The following KHDRBS2 variants were observed in gnomAD, a reference collection of about 807,000 sequenced individuals.
KHDRBS2 encodes KH domain-containing, RNA-binding, signal transduction-associated protein 2.
Under a neutral mutation model 44.3 loss-of-function variants are expected in KHDRBS2, and 26 were observed. That is an observed-to-expected ratio of 0.59 (90% CI 0.43 to 0.81). The LOEUF is 0.81. KHDRBS2 is among the 40% of genes least tolerant of loss of function. KHDRBS2 has a pLI of 0.00. For synonymous variants in KHDRBS2, 194 were observed against 151.1 expected (o/e 1.28, Z -2.08); for missense variants, 476 against 433.1 (o/e 1.10, Z -0.88).
chr6:61,961,581 A>G (rs1203079821), intron 4 of KHDRBS2, among the ~76,000 whole-genome samples: 1 of 152,082 alleles, frequency 6.6e-6, no homozygotes, highest in African/African-American at 2.4e-5. Flanking sequence ...AAAGAATGAC[A>G]TTTGAACAAA....
intron 6 of KHDRBS2, among the ~76,000 whole-genome samples, chr6:61,762,774 G>A (rs1264897665): frequency 3.9e-5 from 6 of 152,192 alleles, no homozygotes; most frequent in Non-Finnish European, 8.8e-5. Flanking sequence ...CACATTCAAT[G>A]TCAATATCCC....
chr6:61,721,172 G>A (rs1476225035), intron 7 of KHDRBS2, among the ~76,000 whole-genome samples: 1 of 152,058 alleles, frequency 6.6e-6, no homozygotes, highest in Admixed American at 6.6e-5. Flanking sequence ...TGCTGTTTTG[G>A]TTACTGTAGC....
At chr6:61,601,150 G>T in the KHDRBS2 span, among the ~76,000 whole-genome samples, 4 of 152,058 alleles carry the variant, frequency 2.6e-5, no homozygotes, top group East Asian at 1.9e-4. Context: ...GCAGCCCAGG[G>T]CTGCTCACCC....
At chr6:62,283,370 C>T in intron 1 of KHDRBS2, among the ~76,000 whole-genome samples, 1 of 151,874 alleles carries the variant, frequency 6.6e-6, no homozygotes, top group Non-Finnish European at 1.5e-5. Flanking sequence ...GTCAATTGAG[C>T]ACTGATTTGC....
At chr6:62,090,653 G>A (rs1799330469) in intron 2 of KHDRBS2, among the ~76,000 whole-genome samples, 1 of 151,756 alleles carries the variant, frequency 6.6e-6, no homozygotes, top group East Asian at 1.9e-4. Flanking sequence ...AAGTGTTTAT[G>A]TGCCAGAGAG....
intron 4 of KHDRBS2, among the ~76,000 whole-genome samples, chr6:61,918,589 C>T (rs1391580538): frequency 1.3e-5 from 2 of 151,918 alleles, no homozygotes; most frequent in African/African-American, 4.8e-5. Context: ...CTCACCAGAA[C>T]CCAACTATCT....
chr6:62,208,532 C>T (rs1216055859), intron 1 of KHDRBS2, among the ~76,000 whole-genome samples: 2 of 152,116 alleles, frequency 1.3e-5, no homozygotes, highest in African/African-American at 2.4e-5. Context: ...AATAATGCTG[C>T]AATGAACATG....
chr6:62,083,688 G>C (rs73489259), intron 2 of KHDRBS2, among the ~76,000 whole-genome samples: 4,981 of 152,188 alleles, frequency 0.033, 277 homozygotes, highest in African/African-American at 0.11. Context: ...TCCTGTGAGG[G>C]GTTGAGAGCT....
chr6:61,613,790 G>A, the KHDRBS2 span, among the ~76,000 whole-genome samples: 3 of 56,068 alleles, frequency 5.4e-5, no homozygotes, highest in South Asian at 1.5e-3. Flanking sequence ...GAGATGTTTG[G>A]CATTCTACAG....
chr6:62,123,021 A>G (rs1345168661), intron 2 of KHDRBS2, among the ~76,000 whole-genome samples: 1 of 151,824 alleles, frequency 6.6e-6, no homozygotes, highest in East Asian at 1.9e-4. Context: ...ATTTACATTA[A>G]GTGTTTCTCC....
chr6:61,952,010 G>C (rs1215311188), intron 4 of KHDRBS2, among the ~76,000 whole-genome samples: 1 of 151,976 alleles, frequency 6.6e-6, no homozygotes, highest in East Asian at 1.9e-4. Context: ...ATACTAAAAA[G>C]TTTGCACTGG....
chr6:62,085,094 C>T (rs895403440), intron 2 of KHDRBS2, among the ~76,000 whole-genome samples: 1 of 152,030 alleles, frequency 6.6e-6, no homozygotes, highest in African/African-American at 2.4e-5. Flanking sequence ...TATTAGAATT[C>T]TAAAGGAGTG....
intron 3 of KHDRBS2, among the ~76,000 whole-genome samples, chr6:62,046,126 T>TG (rs1329614599): frequency 6.6e-6 from 1 of 151,776 alleles, no homozygotes; most frequent in Admixed American, 6.6e-5. Context: ...AATAAGAAAC[T>TG]GAATTGTAAG....
At chr6:61,982,557 G>T (rs551835645) in intron 3 of KHDRBS2, among the ~76,000 whole-genome samples, 8 of 151,944 alleles carry the variant, frequency 5.3e-5, no homozygotes, top group African/African-American at 1.9e-4. Flanking sequence ...TGTAATCCCA[G>T]CTACTCCGGA....
rs1257324654 is a variant in KHDRBS2, at chr6:62,285,980, C to G, written c.-32G>C. On this transcript the variant is annotated 5_prime_UTR_variant, in exon 1 of 9. Coordinates refer to ENST00000281156, the MANE Select transcript of KHDRBS2 (RefSeq NM_152688.4). The stretch of plus-strand genomic sequence containing the variant: ...GACTTCGGATTGTCCCCGGGCGAAG[C>G]GCGAGGTTCCGCTCGCTCGGACGCA... 5 of 1,370,162 alleles carry G rather than the reference C, an allele frequency of 3.6e-6. No homozygotes were observed. The South Asian group carries it at 4.7e-5, about 13-fold the overall frequency. 84.9% of individuals were successfully genotyped at this position (1,370,162 alleles called of 1,614,324 possible).
At chr6:61,913,110 A>G (rs1806347725) in intron 4 of KHDRBS2, among the ~76,000 whole-genome samples, 1 of 152,104 alleles carries the variant, frequency 6.6e-6, no homozygotes, top group South Asian at 2.1e-4. Context: ...TCGTTTTTAA[A>G]ATTCATTCTT....
the KHDRBS2 span, among the ~76,000 whole-genome samples, chr6:61,576,985 C>T: frequency 6.6e-6 from 1 of 152,042 alleles, no homozygotes; most frequent in Non-Finnish European, 1.5e-5. Context: ...ATTTATAGAT[C>T]ATGTCTAGTT....
intron 1 of KHDRBS2, among the ~76,000 whole-genome samples, chr6:62,195,479 T>G (rs1825488823): frequency 6.6e-6 from 1 of 152,172 alleles, no homozygotes; most frequent in African/African-American, 2.4e-5. Context: ...GAAGAAGCAA[T>G]GGCTGAATGA....
chr6:62,045,957 AAAAAGAAAG>A (rs1164003519), intron 3 of KHDRBS2, among the ~76,000 whole-genome samples: 1 of 150,592 alleles, frequency 6.6e-6, no homozygotes, highest in African/African-American at 2.4e-5. Flanking sequence ...AACAAAAAAA[AAAAAGAAAG>A]AAAAAGAAAG....
Sources: allele counts gnomAD v4.1 joint callset (sites outside exome capture counted in the v4.1 genomes callset), GRCh38; gene constraint gnomAD v4.1.1; transcripts MANE v1.5; gene names NCBI Gene and HGNC (gene_info 2026-07-23, HGNC 2026-07-21).